PCDHGA1: variants seen among roughly 807,000 people sequenced by gnomAD.
PCDHGA1 encodes protocadherin gamma subfamily A, 1, also known as protocadherin gamma-A1.
A neutral mutation model predicts 58.0 loss-of-function variants in PCDHGA1; 32 were observed. The observed-to-expected ratio is 0.55, with a 90% confidence interval of 0.42 to 0.74. PCDHGA1 has a LOEUF of 0.74. PCDHGA1 is among the 30% of genes least tolerant of loss of function. The pLI is 0.00. For synonymous variants in PCDHGA1, 498 were observed against 501.1 expected, an observed-to-expected ratio of 0.99 and a Z score of 0.08; for missense variants, 1,205 against 1,182.3, an observed-to-expected ratio of 1.02 and a Z score of -0.28.
intron 1 of PCDHGA1, chr5:141,360,375 A>G (rs780377299): frequency 6.2e-7 from 1 of 1,613,872 alleles, no homozygotes; most frequent in Non-Finnish European, 8.5e-7. Context: ...TAAACCCAGA[A>G]AGCGGAGACT....
At chr5:141,376,069 G>T (rs897737501) in intron 1 of PCDHGA1, 13 of 1,613,452 alleles carry the variant, frequency 8.1e-6, no homozygotes, top group Non-Finnish European at 1.0e-5. Flanking sequence ...CGCTCACCGT[G>T]GCCGTGGCCG....
intron 1 of PCDHGA1, chr5:141,423,241 G>C: frequency 6.2e-7 from 1 of 1,613,954 alleles, no homozygotes; most frequent in Non-Finnish European, 8.5e-7. Context: ...CATCCCCGAA[G>C]TCCTGGCGGA....
Position 141,405,333 on chromosome 5 carries a change from C to T in PCDHGA1, c.2421+72228C>T, listed in dbSNP as rs1253133454. 29 of 1,614,086 alleles carry T rather than the reference C, an allele frequency of 1.8e-5. No homozygotes were observed. Among genetic ancestry groups the T allele is most frequent in the Non-Finnish European group, 2.5e-5 (29 of 1,180,034 alleles). ...GAGAAAAATGAGCCTTTGTGCGTCT[C>T]TGTTGATTCCAAGTTTCCTATAGAA... On this transcript the variant is annotated intron_variant, in intron 1 of 3. Coordinates refer to ENST00000517417, the MANE Select transcript of PCDHGA1 (RefSeq NM_018912.3).
At chr5:141,433,208 C>T (rs780155661) in intron 1 of PCDHGA1, 90 of 1,293,816 alleles carry the variant, frequency 7.0e-5, no homozygotes, top group Middle Eastern at 5.9e-4. Flanking sequence ...AATCTTCTTT[C>T]TTTTTTTTTT....
intron 1 of PCDHGA1, among the ~76,000 whole-genome samples, chr5:141,488,289 TAAGTGAA>T (rs1389982829): frequency 6.6e-6 from 1 of 152,186 alleles, no homozygotes; most frequent in Non-Finnish European, 1.5e-5. Context: ...GAAAAAACAG[TAAGTGAA>T]ATCACTTATG....
At chr5:141,483,361 A>G (rs752805137) in intron 1 of PCDHGA1, among the ~76,000 whole-genome samples, 1 of 152,102 alleles carries the variant, frequency 6.6e-6, no homozygotes, top group South Asian at 2.1e-4. Context: ...TTTGAAAGCT[A>G]TTGCAATATT....
Position 141,333,074 on chromosome 5 carries a change from T to C in PCDHGA1, c.2390T>C (p.Leu797Ser), listed in dbSNP as rs1223269523. 2 of 1,614,086 alleles carry C rather than the reference T, an allele frequency of 1.2e-6. No homozygotes were observed. Among genetic ancestry groups the C allele is most frequent in the African/African-American group, 1.3e-5 (1 of 74,918 alleles). ...KKGFLSAPQS[L>S]LEDKKEPFSQ... ...GGTTTTCTATCAGCACCCCAGTCTT[T>C]ACTTGAAGACAAAAAGGAACCATTT... Residue 797 changes from leucine (L) to serine (S), a missense_variant, in exon 1 of 4, where the codon TTA becomes TCA. By Grantham distance (145) the Leu-to-Ser change is moderately radical. Coordinates refer to ENST00000517417, the MANE Select transcript of PCDHGA1 (RefSeq NM_018912.3).
intron 1 of PCDHGA1, among the ~76,000 whole-genome samples, chr5:141,368,795 A>G (rs1765861379): frequency 6.6e-6 from 1 of 152,188 alleles, no homozygotes; most frequent in Non-Finnish European, 1.5e-5. Flanking sequence ...ATAATTTTTC[A>G]TACTAATTGA....
At chr5:141,423,470 A>C (rs904433654) in intron 1 of PCDHGA1, 54 of 1,613,884 alleles carry the variant, frequency 3.3e-5, no homozygotes, top group Non-Finnish European at 4.3e-5. Context: ...GACGGGGTAC[A>C]GGCTTTCCTG....
intron 1 of PCDHGA1, among the ~76,000 whole-genome samples, chr5:141,336,512 G>A (rs1055692527): frequency 6.6e-6 from 1 of 152,140 alleles, no homozygotes; most frequent in Non-Finnish European, 1.5e-5. Flanking sequence ...GTAAAAATGA[G>A]AAAATTTCAA....
chr5:141,393,565 T>G, intron 1 of PCDHGA1: 1 of 1,613,912 alleles, frequency 6.2e-7, no homozygotes, highest in Non-Finnish European at 8.5e-7. Context: ...CGAGTGAAAG[T>G]CCTTGAGAAC....
intron 1 of PCDHGA1, chr5:141,375,222 G>T: frequency 6.2e-7 from 1 of 1,613,926 alleles, no homozygotes; most frequent in Non-Finnish European, 8.5e-7. Flanking sequence ...GGCCTGAATG[G>T]CCTGGTAACC....
In PCDHGA1 at chr5:141,487,906, AGCACAGGAGGCTACAGT is replaced by A. The variant is rs2099668744; in HGVS notation, c.2422-6893_2422-6877del. ...TGGAAGCATGATGATGGAATGTGGG[AGCACAGGAGGCTACAGT>A]GCACAGGGTACAGTGCACCAGGCAG... On this transcript the variant is annotated intron_variant, in intron 1 of 3. Coordinates refer to ENST00000517417, the MANE Select transcript of PCDHGA1 (RefSeq NM_018912.3). The surrounding 1 kb of genome is among the most constrained non-coding windows in gnomAD (Gnocchi z 5.0). The A allele has an allele frequency of 8.7e-6, 6 of 686,524 alleles. No homozygotes were observed. The East Asian group carries it at 1.6e-4, about 19-fold the overall frequency. The allele number at this position is 686,524 out of a possible 1,614,324, so 42.5% of individuals were successfully genotyped here.
intron 1 of PCDHGA1, among the ~76,000 whole-genome samples, chr5:141,347,147 CTTTCTTT>C (rs1757905827): frequency 7.7e-6 from 1 of 129,464 alleles, no homozygotes; most frequent in Non-Finnish European, 1.7e-5. Flanking sequence ...CTCTTTCTTT[CTTTCTTT>C]CTTTCTTTCT....
intron 3 of PCDHGA1, among the ~76,000 whole-genome samples, chr5:141,508,533 C>A (rs1396219805): frequency 6.6e-6 from 1 of 152,160 alleles, no homozygotes; most frequent in Non-Finnish European, 1.5e-5. Flanking sequence ...CAGGGCACCC[C>A]CCACGAGGTG....
rs746159671 is a variant in PCDHGA1, at chr5:141,399,684, G to A, written c.2421+66579G>A. The A allele has an allele frequency of 2.4e-5, 38 of 1,613,538 alleles. 1 individual carries two copies. In the South Asian group the frequency reaches 4.2e-4, roughly 18 times the overall value. On this transcript the variant is annotated intron_variant, in intron 1 of 3. Transcript: ENST00000517417. ...TCGCGCAGCGCGCCTTTGACTACGAGCAGCTGCGCACCTTCGAACTCACAC... is the reference window on the plus strand; with the variant it reads ...TCGCGCAGCGCGCCTTTGACTACGAACAGCTGCGCACCTTCGAACTCACAC...
rs1000935525 is a variant in PCDHGA1 at position 141,512,962 on chromosome 5, G to A, written c.*1789G>A. The A allele has an allele frequency of 1.3e-5, 2 of 152,030 alleles. No individual in the cohort carries two copies. The highest frequency in any genetic ancestry group is 4.8e-5 in the African/African-American group (2 of 41,366). The allele number at this position is 152,030 out of a possible 1,614,324, so 9.4% of individuals were successfully genotyped here. ...TTCTTCGACAAAAAAATAATAAAACGTTTCTTCTGAAAAGCTGAACGTTTC... is the reference window on the plus strand; with the variant it reads ...TTCTTCGACAAAAAAATAATAAAACATTTCTTCTGAAAAGCTGAACGTTTC... On this transcript the variant is annotated 3_prime_UTR_variant, in exon 4 of 4. Transcript: ENST00000517417.
At chr5:141,478,794 G>A in intron 1 of PCDHGA1, 1 of 1,468,126 alleles carries the variant, frequency 6.8e-7, no homozygotes, top group Non-Finnish European at 9.0e-7. Flanking sequence ...CACATCCTCA[G>A]CACTCTTTTG....
chr5:141,472,980 C>CAAAAAAAAAAAAAAAAAAAA (rs60579131), intron 1 of PCDHGA1, among the ~76,000 whole-genome samples: 7 of 86,088 alleles, frequency 8.1e-5, no homozygotes, highest in South Asian at 4.3e-4. Flanking sequence ...GAGTGAAACT[C>CAAAAAAAAAAAAAAAAAAAA]AAAAAAAAAA....
Sources: gnomAD v4.1 joint callset for allele counts (sites outside exome capture counted in the v4.1 genomes callset) on GRCh38, gnomAD v4.1.1 for gene constraint, Gnocchi (gnomAD v3.1) non-coding constraint, MANE v1.5 for transcripts, NCBI Gene and HGNC (gene_info 2026-07-23, HGNC 2026-07-21) for gene names.